CDH8: variants seen among roughly 807,000 people sequenced by gnomAD.
CDH8 encodes cadherin-8.
A neutral mutation model predicts 68.1 loss-of-function variants in CDH8; 17 were observed. The ratio of observed to expected loss-of-function variants is 0.25; its 90% CI spans 0.17 to 0.37. The LOEUF is 0.37. Among genes scored for constraint, CDH8 ranks in the 10% least tolerant of loss-of-function variants. CDH8 has a pLI of 1.00. For missense variants in CDH8, 763 were observed against 999.3 expected (o/e 0.76, Z 3.19); for synonymous variants, 372 against 365.1 (o/e 1.02, Z -0.21).
At chr16:61,819,765 C>T (rs1962167429) in intron 6 of CDH8, among the ~76,000 whole-genome samples, 1 of 151,980 alleles carries the variant, frequency 6.6e-6, no homozygotes, top group South Asian at 2.1e-4. Flanking sequence ...ACCTTACAGT[C>T]ATATCTACAT....
intron 8 of CDH8, among the ~76,000 whole-genome samples, chr16:61,730,380 A>G (rs912285806): frequency 6.6e-6 from 1 of 151,568 alleles, no homozygotes; most frequent in African/African-American, 2.4e-5. Flanking sequence ...CTGTTGGAAA[A>G]TCATGAATGA....
intron 2 of CDH8, among the ~76,000 whole-genome samples, chr16:61,987,102 C>T (rs954257037): frequency 2.0e-5 from 3 of 152,136 alleles, no homozygotes; most frequent in East Asian, 1.9e-4. Context: ...ATCTACTCTC[C>T]GATGCTAATT....
chr16:61,903,772 T>A (rs1318899128), intron 2 of CDH8, among the ~76,000 whole-genome samples: 1 of 152,190 alleles, frequency 6.6e-6, no homozygotes. Context: ...ACTGAAACCA[T>A]CCAGCTATCC....
intron 10 of CDH8, among the ~76,000 whole-genome samples, chr16:61,682,887 C>T (rs139543022): frequency 5.9e-5 from 9 of 151,932 alleles, no homozygotes; most frequent in South Asian, 4.1e-4. Flanking sequence ...CTACACAAAA[C>T]GATTCCATCT....
At chr16:61,905,140 G>A (rs1230886403) in intron 2 of CDH8, among the ~76,000 whole-genome samples, 11 of 152,304 alleles carry the variant, frequency 7.2e-5, no homozygotes, top group South Asian at 2.1e-4. Flanking sequence ...CTAGAGAAAC[G>A]AGTGCCATCT....
intron 2 of CDH8, among the ~76,000 whole-genome samples, chr16:61,986,989 C>T (rs1311691606): frequency 1.3e-5 from 2 of 152,176 alleles, no homozygotes; most frequent in African/African-American, 4.8e-5. Context: ...ATGAGAATCA[C>T]GACTTAAGAT....
At chr16:61,689,831 A>AT (rs200321440) in intron 10 of CDH8, among the ~76,000 whole-genome samples, 270 of 151,068 alleles carry the variant, frequency 1.8e-3, no homozygotes, top group African/African-American at 5.6e-3. Context: ...TTACTAATAC[A>AT]TTTTTTTTTC....
chr16:61,676,374 T>A (rs1963911025), intron 10 of CDH8, among the ~76,000 whole-genome samples: 1 of 151,898 alleles, frequency 6.6e-6, no homozygotes, highest in Non-Finnish European at 1.5e-5. Context: ...AAGAGGGCCA[T>A]CATAATAATG....
At chr16:61,702,509 A>T (rs191398839) in intron 10 of CDH8, among the ~76,000 whole-genome samples, 55 of 152,294 alleles carry the variant, frequency 3.6e-4, no homozygotes, top group African/African-American at 1.2e-3. Context: ...ATTGATATAT[A>T]GTTGCTGCTC....
intron 10 of CDH8, among the ~76,000 whole-genome samples, chr16:61,705,908 C>T (rs1281207095): frequency 2.0e-5 from 3 of 152,182 alleles, no homozygotes; most frequent in Non-Finnish European, 4.4e-5. Flanking sequence ...AGACAGAGTC[C>T]TGAGGAAAAC....
chr16:61,820,382 C>A (rs945744869), intron 6 of CDH8, among the ~76,000 whole-genome samples: 5 of 132,520 alleles, frequency 3.8e-5, no homozygotes, highest in African/African-American at 1.5e-4. Context: ...ACTTGGGAAG[C>A]TTCAGTGTAT....
rs771560459 is a variant in CDH8, at chr16:61,653,762, T to A, written c.2246A>T (p.Tyr749Phe). The A allele has an allele frequency of 1.2e-6, 2 of 1,614,090 alleles. No homozygotes were observed. The highest frequency in any genetic ancestry group is 2.7e-5 in the African/African-American group (2 of 74,924). ...GCCAGCCACTGACCCTCGGCCTTCA[T>A]AGCCATATATCTGAATGGAGTCATA... is the stretch of plus-strand genomic sequence containing the variant. ...PPYDSIQIYGYEGRGSVAGSL... is the reference protein window; with the variant it reads ...PPYDSIQIYGFEGRGSVAGSL... Residue 749 changes from tyrosine to phenylalanine, a missense_variant, in exon 12 of 12, where the codon TAT becomes TTT. This residue lies in a region of CDH8 where 397 missense variants were observed against 436.2 expected (regional missense o/e 0.91). Transcript: ENST00000577390.
intron 2 of CDH8, among the ~76,000 whole-genome samples, chr16:62,001,461 A>G (rs1965893402): frequency 6.6e-6 from 1 of 152,096 alleles, no homozygotes; most frequent in Non-Finnish European, 1.5e-5. Flanking sequence ...TGCTCTAAGT[A>G]TTTCTTTTCA....
intron 2 of CDH8, among the ~76,000 whole-genome samples, chr16:61,987,828 C>A (rs75692934): frequency 6.6e-6 from 1 of 152,136 alleles, no homozygotes; most frequent in Non-Finnish European, 1.5e-5. Flanking sequence ...TAACAGCTAG[C>A]ATTTACCAAG....
At chr16:61,818,792 G>T (rs1315914678) in intron 6 of CDH8, among the ~76,000 whole-genome samples, 1 of 152,112 alleles carries the variant, frequency 6.6e-6, no homozygotes, top group Non-Finnish European at 1.5e-5. Context: ...AATAGGCAAT[G>T]AAGATTTTTA....
Position 61,655,484 on chromosome 16 carries a change from A to T in CDH8, c.1892T>A (p.Ile631Asn). The change falls in exon 11 of 12, where the codon ATC (isoleucine) becomes AAC (asparagine). Residue 631 changes from isoleucine to asparagine, a missense_variant. Coordinates refer to ENST00000577390, the MANE Select transcript of CDH8 (RefSeq NM_001796.5). Reference protein sequence around the residue: ...MGALIAILACIILLLVIVVLF... With the variant: ...MGALIAILACNILLLVIVVLF... ...GAAATACGTACCTAACAGCAAAATG[A>T]TGCATGCTAATATGGCAATTAAGGC... 15 of 1,614,136 alleles carry T rather than the reference A, an allele frequency of 9.3e-6. No individual in the cohort carries two copies. Among genetic ancestry groups the T allele is most frequent in the Non-Finnish European group, 1.3e-5 (15 of 1,180,020 alleles).
intron 3 of CDH8, among the ~76,000 whole-genome samples, chr16:61,863,403 T>C (rs1963192000): frequency 6.6e-6 from 1 of 152,152 alleles, no homozygotes; most frequent in Non-Finnish European, 1.5e-5. Flanking sequence ...GGTTCCAGTT[T>C]GCTGATAAAC....
intron 10 of CDH8, among the ~76,000 whole-genome samples, chr16:61,674,509 AT>A (rs1255733461): frequency 1.3e-5 from 2 of 151,802 alleles, no homozygotes; most frequent in African/African-American, 4.8e-5. Flanking sequence ...AATTCTATTC[AT>A]TTCTACCAAA....
At chr16:61,758,729 C>T (rs1265649527) in intron 8 of CDH8, among the ~76,000 whole-genome samples, 2 of 152,130 alleles carry the variant, frequency 1.3e-5, no homozygotes, top group Admixed American at 1.3e-4. Context: ...TTTTGATTCT[C>T]AGCTTCTCCA....
Sources: gnomAD v4.1 joint callset for allele counts (sites outside exome capture counted in the v4.1 genomes callset) on GRCh38, gnomAD v4.1.1 for gene constraint, gnomAD v4.1.1 regional missense constraint, MANE v1.5 for transcripts, NCBI Gene and HGNC (gene_info 2026-07-23, HGNC 2026-07-21) for gene names.